Variants in SLC8A2 observed in about 807,000 individuals in gnomAD.
SLC8A2 encodes sodium/calcium exchanger 2.
A neutral mutation model predicts 70.2 loss-of-function variants in SLC8A2; 14 were observed. The ratio of observed to expected loss-of-function variants is 0.20; its 90% confidence interval spans 0.13 to 0.31. The LOEUF is 0.31. Among genes scored for constraint, SLC8A2 ranks in the 10% least tolerant of loss-of-function variants. SLC8A2 has a pLI of 1.00. For missense variants in SLC8A2, 779 were observed against 1,320.1 expected (o/e 0.59, Z 6.35); for synonymous variants, 575 against 594.3 (o/e 0.97, Z 0.47).
chr19:47,450,472 A>G (rs1383749982), intron 3 of SLC8A2, among the ~76,000 whole-genome samples: 1 of 152,122 alleles, frequency 6.6e-6, no homozygotes, highest in Non-Finnish European at 1.5e-5. Context: ...GCAGTGAGCC[A>G]AGATCACGTC....
chr19:47,441,566 C>T (rs1967100281), intron 4 of SLC8A2, 126 bp from the exon 5 acceptor site: 1 of 617,318 alleles, frequency 1.6e-6, no homozygotes, highest in South Asian at 1.9e-5. Flanking sequence ...TCCACAATCT[C>T]ATTTACTTCT....
chr19:47,456,865 C>T lies in SLC8A2; in HGVS notation c.1340+65G>A, dbSNP rs79584057. ...GTTGGGAGGCGAAGAGCCTGGAGGC[C>T]GCCGGACGGCGGGACCCACGGCCTG... is the stretch of plus-strand genomic sequence containing the variant. On this transcript the variant is annotated intron_variant, in intron 3 of 9. Coordinates refer to ENST00000236877, the MANE Select transcript of SLC8A2 (RefSeq NM_015063.3). 6.0e-5 allele frequency: 88 copies of T among 1,470,860 alleles called. No individual in the cohort carries two copies. The East Asian group carries it at 2.1e-3, about 35-fold the overall frequency. The allele number at this position is 1,470,860 out of a possible 1,614,324, so 91.1% of individuals were successfully genotyped here.
chr19:47,445,404 C>A (rs1044911502), intron 4 of SLC8A2, among the ~76,000 whole-genome samples: 2 of 152,112 alleles, frequency 1.3e-5, no homozygotes, highest in South Asian at 4.1e-4. Context: ...CCACCGTGCC[C>A]GACCTCTAAG....
In SLC8A2 at chr19:47,428,770, G is replaced by A. The variant is rs1966910061; in HGVS notation, c.*1319C>T. ...GAGAAGGGTAGTGGGTAACGGGTCTGGGATGTTGGGGCTGAGCACAACAGG... is the reference window on the plus strand; with the variant it reads ...GAGAAGGGTAGTGGGTAACGGGTCTAGGATGTTGGGGCTGAGCACAACAGG... On this transcript the variant is annotated 3_prime_UTR_variant, in exon 10 of 10. Transcript: ENST00000236877. 6.6e-6 allele frequency: 1 copy of A among 152,558 alleles called. No individual in the cohort carries two copies. Among genetic ancestry groups the A allele is most frequent in the African/African-American group, 2.4e-5 (1 of 41,386 alleles). The allele number at this position is 152,558 out of a possible 1,614,324, so 9.5% of individuals were successfully genotyped here.
At position 47,466,705 on chromosome 19, in the gene SLC8A2, T is replaced by C. The variant is rs962002238; in HGVS notation, c.-16-286A>G. 6.6e-6 allele frequency among the ~76,000 whole-genome samples: 1 copy of C among 152,132 alleles called. No homozygotes were observed. The highest frequency in any genetic ancestry group is 2.4e-5 in the African/African-American group (1 of 41,432). On this transcript the variant is annotated intron_variant, in intron 1 of 9. Transcript: ENST00000236877. The surrounding 1 kb of genome is among the most constrained non-coding windows in gnomAD (Gnocchi z 6.9). ...AGCCGAACACCACGTATCATGCAAT[T>C]CAGCAGTTTTGTTCCTCGGTATGTG...
At chr19:47,440,635 A>C (rs1967089024) in intron 6 of SLC8A2, among the ~76,000 whole-genome samples, 1 of 151,776 alleles carries the variant, frequency 6.6e-6, no homozygotes, top group Non-Finnish European at 1.5e-5. Flanking sequence ...CTTGTTCCCC[A>C]GCGTGGAGTG....
intron 8 of SLC8A2, among the ~76,000 whole-genome samples, chr19:47,434,939 T>C (rs565182717): frequency 1.3e-5 from 2 of 152,310 alleles, no homozygotes; most frequent in African/African-American, 4.8e-5. Context: ...CTGGGCACAG[T>C]AGCTTACACC....
intron 2 of SLC8A2, among the ~76,000 whole-genome samples, chr19:47,459,744 CGTGTGT>C (rs766580156): frequency 6.7e-6 from 1 of 148,642 alleles, no homozygotes; most frequent in Admixed American, 6.7e-5. Context: ...TGTATGTGTA[CGTGTGT>C]GTCCATCTGT....
intron 4 of SLC8A2, among the ~76,000 whole-genome samples, chr19:47,443,772 C>T (rs1415482231): frequency 1.3e-5 from 2 of 152,196 alleles, no homozygotes; most frequent in South Asian, 2.1e-4. Flanking sequence ...TCTTTTCTCT[C>T]TCTGCCTCTC....
intron 2 of SLC8A2, among the ~76,000 whole-genome samples, chr19:47,461,335 C>T (rs777278417): frequency 5.9e-5 from 9 of 151,944 alleles, no homozygotes; most frequent in Non-Finnish European, 1.3e-4. Context: ...ATGGTGAAAC[C>T]CCATCTCTAC....
intron 4 of SLC8A2, among the ~76,000 whole-genome samples, chr19:47,442,265 G>A (rs1437893829): frequency 3.3e-5 from 5 of 152,154 alleles, no homozygotes; most frequent in Admixed American, 6.5e-5. Flanking sequence ...ACAATCCCAT[G>A]CTTCAGCCTC....
intron 3 of SLC8A2, among the ~76,000 whole-genome samples, chr19:47,454,275 G>A (rs150625527): frequency 1.4e-3 from 209 of 152,312 alleles, no homozygotes; most frequent in African/African-American, 4.6e-3. Flanking sequence ...GGGACAGTGC[G>A]GACCAGGGGT....
At chr19:47,441,532 C>G in intron 4 of SLC8A2, 92 bp from the exon 5 acceptor site, 1 of 697,614 alleles carries the variant, frequency 1.4e-6, no homozygotes, top group Non-Finnish European at 2.6e-6. Flanking sequence ...ACCCAGTTTT[C>G]CAAGCACCTC....
intron 6 of SLC8A2, among the ~76,000 whole-genome samples, chr19:47,439,405 G>T (rs1401410709): frequency 6.6e-6 from 1 of 152,006 alleles, no homozygotes; most frequent in Non-Finnish European, 1.5e-5. Context: ...GGTGGCAGGT[G>T]CCTGTAATCC....
chr19:47,460,527 A>G (rs989699499), intron 2 of SLC8A2, among the ~76,000 whole-genome samples: 1 of 151,904 alleles, frequency 6.6e-6, no homozygotes, highest in Non-Finnish European at 1.5e-5. Flanking sequence ...GTGAAACCCC[A>G]TCTCTACCAA....
At chr19:47,446,502 A>T (rs984328329) in intron 4 of SLC8A2, among the ~76,000 whole-genome samples, 1 of 152,030 alleles carries the variant, frequency 6.6e-6, no homozygotes, top group African/African-American at 2.4e-5. Context: ...ATCACAGCTC[A>T]CTACAGCACC....
At chr19:47,456,784 C>G in intron 3 of SLC8A2, 146 bp downstream of exon 3, 1 of 874,134 alleles carries the variant, frequency 1.1e-6, no homozygotes. Flanking sequence ...TGGCACAAAG[C>G]AGGCTCTCAG....
intron 3 of SLC8A2, among the ~76,000 whole-genome samples, chr19:47,454,991 G>A (rs1423176156): frequency 6.6e-6 from 1 of 152,176 alleles, no homozygotes; most frequent in East Asian, 1.9e-4. Context: ...GAAGGCTGAG[G>A]CAGGAGAATC....
intron 6 of SLC8A2, among the ~76,000 whole-genome samples, chr19:47,438,800 A>G (rs185707178): frequency 1.4e-4 from 21 of 152,194 alleles, no homozygotes; most frequent in Admixed American, 2.6e-4. Flanking sequence ...AATAACCCCA[A>G]GCCAAATCCC....
Sources: gnomAD v4.1 joint callset for allele counts (sites outside exome capture counted in the v4.1 genomes callset) on GRCh38, gnomAD v4.1.1 for gene constraint, Gnocchi (gnomAD v3.1) non-coding constraint, MANE v1.5 for transcripts, NCBI Gene and HGNC (gene_info 2026-07-23, HGNC 2026-07-21) for gene names.